Variants in GANC observed in about 807,000 individuals in gnomAD.
The protein encoded by GANC is neutral alpha-glucosidase C.
GANC carries 117 observed loss-of-function variants against 124.2 expected under a neutral mutation model. That is an observed-to-expected ratio of 0.94 (90% CI 0.81 to 1.10). The LOEUF (loss-of-function observed/expected upper bound fraction) is 1.10, where lower values mean the gene tolerates loss of function less well. Among genes scored for constraint, GANC ranks in the 50% least tolerant of loss-of-function variants. The pLI is 0.00. For missense variants in GANC, 1,140 were observed against 1,095.0 expected (o/e 1.04, Z -0.58); for synonymous variants, 377 against 376.8 (o/e 1.00, Z -0.01).
chr15:42,327,561 T>A, intron 13 of GANC, 119 bp downstream of exon 13: 1 of 849,334 alleles, frequency 1.2e-6, no homozygotes, highest in Non-Finnish European at 1.9e-6. Context: ...ATGCTTTTAT[T>A]AAAAGGCAAG....
intron 15 of GANC, among the ~76,000 whole-genome samples, chr15:42,337,245 C>T (rs892084160): frequency 2.0e-5 from 3 of 152,178 alleles, no homozygotes; most frequent in African/African-American, 7.2e-5. Flanking sequence ...AAATGCCTAT[C>T]AGTGGTAAAC....
intron 3 of GANC, among the ~76,000 whole-genome samples, chr15:42,287,218 C>A (rs999775349): frequency 6.6e-6 from 1 of 152,204 alleles, no homozygotes; most frequent in Non-Finnish European, 1.5e-5. Flanking sequence ...CTCCAATGAT[C>A]ATCATTTTAT....
In GANC at chr15:42,321,899, C is replaced by T. The variant is rs982849536; in HGVS notation, c.1172C>T (p.Pro391Leu). 14 of 1,614,052 alleles carry T rather than the reference C, an allele frequency of 8.7e-6. No homozygotes were observed. In the East Asian group the frequency reaches 3.1e-4, roughly 36 times the overall value. The change falls in exon 11 of 24, where the codon CCT becomes CTT. Residue 391 changes from proline to leucine, a missense_variant. Pro to Leu is a moderately conservative substitution (Grantham distance 98, BLOSUM62 -3). Transcript: ENST00000318010. ...VDAGFDEHDI[P>L]YDAMWLDIEH... ...GCAGGGTTTGATGAGCATGACATTCCTTATGATGCCATGTGGCTGGACATA... is the reference window on the plus strand; with the variant it reads ...GCAGGGTTTGATGAGCATGACATTCTTTATGATGCCATGTGGCTGGACATA...
At chr15:42,351,985 T>C in intron 23 of GANC, 45 bp from the exon 24 acceptor site, 1 of 1,610,710 alleles carries the variant, frequency 6.2e-7, no homozygotes, top group South Asian at 1.1e-5. Flanking sequence ...TTTTCCCTTC[T>C]AGAGATTCAT....
chr15:42,329,448 A>T lies in GANC; in HGVS notation c.1643A>T (p.His548Leu). ...RELHNIYGFY[H>L]QMATAEGLIK... ...CTCCACAACATCTACGGTTTTTATC[A>T]TGTAAGACATCCAAAAAGAATTAAA... Residue 548 changes from histidine to leucine, a missense_variant and splice_region_variant, in exon 14 of 24, where the codon CAT becomes CTT. His to Leu is a moderately conservative substitution (Grantham distance 99). Transcript: ENST00000318010. 6.2e-7 allele frequency: 1 copy of T among 1,604,568 alleles called. No homozygotes were observed. Among genetic ancestry groups the T allele is most frequent in the Non-Finnish European group, 8.5e-7 (1 of 1,177,016 alleles).
intron 19 of GANC, chr15:42,343,396 A>C: frequency 4.1e-6 from 2 of 483,318 alleles, no homozygotes; most frequent in Non-Finnish European, 7.5e-6. Context: ...TAGTCTTCAC[A>C]CTTTGACTAG....
At chr15:42,297,743 C>A in intron 6 of GANC, 87 bp downstream of exon 6, 1 of 907,424 alleles carries the variant, frequency 1.1e-6, no homozygotes, top group African/African-American at 1.7e-5. Flanking sequence ...CTTCCTTCTA[C>A]AGAAGGGTGC....
chr15:42,299,002 C>G (rs1303566446), intron 6 of GANC, among the ~76,000 whole-genome samples: 1 of 152,170 alleles, frequency 6.6e-6, no homozygotes, highest in Non-Finnish European at 1.5e-5. Flanking sequence ...ATCATGTCGT[C>G]TACAAACAGA....
Position 42,278,504 on chromosome 15 carries a change from A to T in GANC, c.115A>T (p.Lys39Ter). Residue 39 changes from lysine (K) to a stop codon, truncating the protein, a stop_gained, in exon 3 of 24, where the codon AAG (lysine) becomes TAG (stop). Transcript: ENST00000318010. LOFTEE classifies it high-confidence loss of function. Reference sequence around the variant, plus strand: ...TAGGCGTCAGAAACAGTGGCTTTCCAAGAAGTCCACCTATCAGGCATTATT... The same window carrying T: ...TAGGCGTCAGAAACAGTGGCTTTCCTAGAAGTCCACCTATCAGGCATTATT... ...FYRRQKQWLS[K>*]KSTYQALLDS... 6.2e-7 allele frequency: 1 copy of T among 1,610,882 alleles called. No homozygotes were observed. Among genetic ancestry groups the T allele is most frequent in the Non-Finnish European group, 8.5e-7 (1 of 1,178,518 alleles).
chr15:42,287,660 G>A, intron 3 of GANC, 31 bp from the exon 4 acceptor site: 1 of 1,597,536 alleles, frequency 6.3e-7, no homozygotes, highest in Non-Finnish European at 8.5e-7. Flanking sequence ...TGGGTAACCT[G>A]TTGAAGGTAA....
chr15:42,296,346 T>C lies in GANC; in HGVS notation c.513-1265T>C, dbSNP rs147917501. 7.8e-3 allele frequency among the ~76,000 whole-genome samples: 1,187 copies of C among 152,278 alleles called. 14 individuals are homozygous for C. Among genetic ancestry groups the C allele is most frequent in the African/African-American group, 0.027 (1,133 of 41,540 alleles). The stretch of plus-strand genomic sequence containing the variant: ...GAGGTAACCAGTTTACTAAATTTTG[T>C]GTTAATCACTTCCTTGGGTTTGATT... On this transcript the variant is annotated intron_variant, in intron 5 of 23. Coordinates refer to ENST00000318010, the MANE Select transcript of GANC (RefSeq NM_198141.3).
chr15:42,305,910 A>G (rs1188240485), intron 6 of GANC, among the ~76,000 whole-genome samples: 5 of 141,124 alleles, frequency 3.5e-5, no homozygotes, highest in African/African-American at 1.4e-4. Flanking sequence ...ACATGGACAC[A>G]GGGAGGGGAA....
chr15:42,339,357 C>CAG (rs1260168132), intron 16 of GANC, among the ~76,000 whole-genome samples: 28 of 132,306 alleles, frequency 2.1e-4, no homozygotes, highest in African/African-American at 8.2e-4. Context: ...CACACACACA[C>CAG]AGTTATTTAA....
In GANC at chr15:42,349,038, A is replaced by C. The variant is rs149585241; in HGVS notation, c.2419-345A>C. 1.6e-4 allele frequency among the ~76,000 whole-genome samples: 25 copies of C among 152,284 alleles called. No individual in the cohort carries two copies. The East Asian group carries it at 2.1e-3, about 13-fold the overall frequency. On this transcript the variant is annotated intron_variant, in intron 21 of 23. Transcript: ENST00000318010. The stretch of plus-strand genomic sequence containing the variant: ...TAGTTGATGTCATCTATTATGTATT[A>C]ATTTTTTTTAACATCGTTGTCATTC...
chr15:42,326,574 T>G, intron 12 of GANC, 150 bp downstream of exon 12: 1 of 1,272,200 alleles, frequency 7.9e-7, no homozygotes, highest in Non-Finnish European at 1.1e-6. Flanking sequence ...TAGGTTTGCC[T>G]TCTTTTGTAT....
At chr15:42,299,141 C>T (rs557751122) in intron 6 of GANC, among the ~76,000 whole-genome samples, 7 of 152,170 alleles carry the variant, frequency 4.6e-5, no homozygotes, top group East Asian at 3.9e-4. Flanking sequence ...TGTCTTGTGC[C>T]AGTTTTCAAA....
rs762476712 is a variant in GANC at position 42,322,018 on chromosome 15, A to G, written c.1291A>G (p.Lys431Glu). 1.2e-6 allele frequency: 2 copies of G among 1,605,184 alleles called. No individual in the cohort carries two copies. The highest frequency in any genetic ancestry group is 1.3e-5 in the African/African-American group (1 of 74,714). Reference sequence around the variant, plus strand: ...AGAGCTGCTCAGGAGCAAAAAGCGTAAGGTAAAATAAGCCAACATTTCTGA... The same window carrying G: ...AGAGCTGCTCAGGAGCAAAAAGCGTGAGGTAAAATAAGCCAACATTTCTGA... Reference protein sequence around the residue: ...MQELLRSKKRKLVVISDPHIK... With the variant: ...MQELLRSKKRELVVISDPHIK... The change falls in exon 11 of 24, where the codon AAG (lysine) becomes GAG (glutamate). Residue 431 changes from lysine to glutamate, a missense_variant and splice_region_variant. Physicochemically the swap from Lys to Glu is moderately conservative, Grantham distance 56. Transcript: ENST00000318010.
chr15:42,273,446 T>G lies in GANC; in HGVS notation c.-1036T>G. 6.2e-7 allele frequency: 1 copy of G among 1,609,270 alleles called. No homozygotes were observed. Among genetic ancestry groups the G allele is most frequent in the South Asian group, 1.1e-5 (1 of 90,908 alleles). ...CCGAAAGCATTTCACCCTCTTCCGGTTCGTCCCGCCTTCTTCCGGCTCTGC... is the reference window on the plus strand; with the variant it reads ...CCGAAAGCATTTCACCCTCTTCCGGGTCGTCCCGCCTTCTTCCGGCTCTGC... On this transcript the variant is annotated 5_prime_UTR_variant, in exon 1 of 24. Coordinates refer to ENST00000318010, the MANE Select transcript of GANC (RefSeq NM_198141.3).
Position 42,329,406 on chromosome 15 carries a change from A to T in GANC, c.1601A>T (p.Asn534Ile). Residue 534 changes from asparagine to isoleucine, a missense_variant, in exon 14 of 24, where the codon AAT becomes ATT. Physicochemically the swap from Asn to Ile is moderately radical, Grantham distance 149 (BLOSUM62 -3). Transcript: ENST00000318010. Reference sequence around the variant, plus strand: ...CAGAAGAATGCCATTCATCATGGCAATTGGGAGCACAGAGAGCTCCACAAC... The same window carrying T: ...CAGAAGAATGCCATTCATCATGGCATTTGGGAGCACAGAGAGCTCCACAAC... ...TMQKNAIHHG[N>I]WEHRELHNIY... 1.9e-6 allele frequency: 3 copies of T among 1,613,876 alleles called. No homozygotes were observed. Among genetic ancestry groups the T allele is most frequent in the Non-Finnish European group, 2.5e-6 (3 of 1,179,898 alleles).
Sources: allele counts gnomAD v4.1 joint callset (sites outside exome capture counted in the v4.1 genomes callset), GRCh38; gene constraint gnomAD v4.1.1; transcripts MANE v1.5; gene names NCBI Gene and HGNC (gene_info 2026-07-23, HGNC 2026-07-21).